The following MAP3K13 variants were observed in gnomAD, a reference collection of about 807,000 sequenced individuals.
MAP3K13 encodes the protein leucine zipper-bearing kinase.
In MAP3K13, 52 loss-of-function variants were observed where a neutral mutation model predicts 104.0. The observed-to-expected ratio is 0.50, with a 90% CI of 0.40 to 0.63. The LOEUF (loss-of-function observed/expected upper bound fraction) is 0.63. Ranked by LOEUF, MAP3K13 falls within the 20% of genes least tolerant of loss-of-function variation. MAP3K13 has a pLI of 0.00. For missense variants in MAP3K13, 914 were observed against 1,218.5 expected (o/e 0.75, Z 3.72); for synonymous variants, 394 against 442.2 (o/e 0.89, Z 1.37).
rs774843759 is a variant in MAP3K13, at chr3:185,466,942, A to T, written c.1622A>T (p.Lys541Ile). The change falls in exon 10 of 14, where the codon AAA becomes ATA. Residue 541 changes from lysine to isoleucine, a missense_variant. Physicochemically the swap from Lys to Ile is moderately radical, Grantham distance 102 (BLOSUM62 -3). Transcript: ENST00000265026. Reference sequence around the variant, plus strand: ...ATGAAAAGGAAAGGAGTGCCTCACAAATCTGGGATGCAGACCAAACGGTGA... The same window carrying T: ...ATGAAAAGGAAAGGAGTGCCTCACATATCTGGGATGCAGACCAAACGGTGA... ...KLMKRKGVPH[K>I]SGMQTKRPDL... 6.2e-7 allele frequency: 1 copy of T among 1,613,856 alleles called. No individual in the cohort carries two copies. The highest frequency in any genetic ancestry group is 1.3e-5 in the African/African-American group (1 of 74,920).
At chr3:185,359,605 T>C (rs768488624), upstream of MAP3K13, among the ~76,000 whole-genome samples, 10 of 152,208 alleles carry the variant, frequency 6.6e-5, no homozygotes, top group Non-Finnish European at 1.0e-4. Context: ...AATCTTTACA[T>C]GTGTTATAAT....
In MAP3K13 at chr3:185,473,802, A is replaced by G. The variant is rs1717953623; in HGVS notation, c.2430+41A>G. 2 of 1,565,376 alleles carry G rather than the reference A, an allele frequency of 1.3e-6. No homozygotes were observed. Among genetic ancestry groups the G allele is most frequent in the Admixed American group, 1.8e-5 (1 of 54,182 alleles). On this transcript the variant is annotated intron_variant, in intron 11 of 13. Coordinates refer to ENST00000265026, the MANE Select transcript of MAP3K13 (RefSeq NM_004721.5). This position sits in a 1 kb window ranked among gnomAD's most constrained non-coding sequence, Gnocchi z 4.9. ...GAGAGTGGCCTGCGTCACTGCCTTC[A>G]AAGAATGCCAGAGCCTGTCATGTTA...
At chr3:185,374,943 AG>A (rs1268196915) in intron 1 of MAP3K13, among the ~76,000 whole-genome samples, 2 of 152,188 alleles carry the variant, frequency 1.3e-5, no homozygotes, top group African/African-American at 4.8e-5. Context: ...TAAGCATAAA[AG>A]TAAAGAACAG....
At chr3:185,310,019 A>C (rs1721441307) in intron 2 of MAP3K13, among the ~76,000 whole-genome samples, 1 of 152,178 alleles carries the variant, frequency 6.6e-6, no homozygotes, top group South Asian at 2.1e-4. Flanking sequence ...CTGCTGAGGG[A>C]GGGACAAGGA....
chr3:185,307,546 C>CCCCACCCCCCCCCA (rs58408265), intron 2 of MAP3K13, among the ~76,000 whole-genome samples: 1 of 103,978 alleles, frequency 9.6e-6, no homozygotes, highest in African/African-American at 4.1e-5. Context: ...GCACCACCCC[C>CCCCACCCCCCCCCA]TCCCCCGCCA....
chr3:185,385,705 C>T (rs1711647266), intron 1 of MAP3K13, among the ~76,000 whole-genome samples: 1 of 152,066 alleles, frequency 6.6e-6, no homozygotes, highest in Admixed American at 6.6e-5. Context: ...AACAAAACAT[C>T]AAAAAGTTAA....
chr3:185,413,424 G>A (rs919189280), intron 1 of MAP3K13, among the ~76,000 whole-genome samples: 1 of 152,188 alleles, frequency 6.6e-6, no homozygotes, highest in Admixed American at 6.5e-5. Context: ...TAGTACAGCT[G>A]AGGAATGAAA....
At chr3:185,371,950 A>G (rs1724184885) in intron 1 of MAP3K13, among the ~76,000 whole-genome samples, 1 of 152,218 alleles carries the variant, frequency 6.6e-6, no homozygotes, top group Non-Finnish European at 1.5e-5. Context: ...GGCTATCTGC[A>G]GGCTTGGATA....
Position 185,329,993 on chromosome 3 carries a change from C to T in MAP3K13, c.-86+44350C>T, listed in dbSNP as rs535917790. 1.7e-3 allele frequency among the ~76,000 whole-genome samples: 241 copies of T among 142,160 alleles called. 1 individual carries two copies. The highest frequency in any genetic ancestry group is 2.6e-3 in the Admixed American group (35 of 13,396). 93.3% of individuals were successfully genotyped at this position (142,160 alleles called of 152,430 possible). A position where few individuals can be genotyped will look rare whatever the true frequency, so the allele number is the denominator to read the frequency against. ...CTCCCGTGTTCAAGTGATTCTCCTG[C>T]TTCAGCCTCCCAAGTAGCTTGGATT... On this transcript the variant is annotated intron_variant, in intron 2 of 14. Coordinates refer to the MAP3K13 transcript ENST00000424227.
intron 2 of MAP3K13, among the ~76,000 whole-genome samples, chr3:185,307,327 G>C (rs1229079616): frequency 6.7e-6 from 1 of 149,740 alleles, no homozygotes; most frequent in African/African-American, 2.5e-5. Context: ...GCATATATTG[G>C]TCAACTAGAT....
At chr3:185,435,396 A>C (rs1385651667) in intron 2 of MAP3K13, among the ~76,000 whole-genome samples, 1 of 152,190 alleles carries the variant, frequency 6.6e-6, no homozygotes, top group Non-Finnish European at 1.5e-5. Flanking sequence ...CGTGTGCTGC[A>C]TGTATGAGCC....
intron 2 of MAP3K13, 129 bp from the exon 3 acceptor site, chr3:185,437,318 C>T (rs1375951595): frequency 1.4e-6 from 1 of 692,308 alleles, no homozygotes; most frequent in East Asian, 2.6e-5. Flanking sequence ...TAGGAAGGTT[C>T]TATCTTTTGC....
At chr3:185,311,449 C>A (rs1339712410) in intron 2 of MAP3K13, among the ~76,000 whole-genome samples, 1 of 152,162 alleles carries the variant, frequency 6.6e-6, no homozygotes, top group African/African-American at 2.4e-5. Context: ...CTGGGTCCCT[C>A]CCACAATGCA....
intron 2 of MAP3K13, among the ~76,000 whole-genome samples, chr3:185,330,924 G>A (rs1279303178): frequency 6.6e-6 from 1 of 152,018 alleles, no homozygotes; most frequent in Non-Finnish European, 1.5e-5. Flanking sequence ...TTGCCTTAGG[G>A]CAGCTGCTGC....
chr3:185,298,518 T>C (rs1720993593), intron 2 of MAP3K13, among the ~76,000 whole-genome samples: 1 of 152,234 alleles, frequency 6.6e-6, no homozygotes. Context: ...TACATTATCC[T>C]AACTAATTTA....
chr3:185,420,858 TTCTC>T lies in MAP3K13; in HGVS notation c.-85-7635_-85-7632del, dbSNP rs532028465. On this transcript the variant is annotated intron_variant, in intron 1 of 13. Transcript: ENST00000265026. ...GCCACATTACCTCCTCCATTCCTCT[TTCTC>T]TCTACATTGCATCCTGGGATCTTGG... 7.2e-5 allele frequency among the ~76,000 whole-genome samples: 11 copies of T among 152,312 alleles called. No individual in the cohort carries two copies. In the South Asian group the frequency reaches 2.3e-3, roughly 32 times the overall value.
chr3:185,357,109 TTCTCTC>T (rs1389899870), intron 2 of MAP3K13, among the ~76,000 whole-genome samples: 1 of 150,780 alleles, frequency 6.6e-6, no homozygotes, highest in Admixed American at 6.6e-5. Flanking sequence ...TTTTTTTTTT[TTCTCTC>T]TCTCTCTCTC....
At chr3:185,460,647 T>C (rs915546486) in intron 7 of MAP3K13, among the ~76,000 whole-genome samples, 2 of 152,220 alleles carry the variant, frequency 1.3e-5, no homozygotes, top group Non-Finnish European at 2.9e-5. Flanking sequence ...ATTCTAAGTA[T>C]ATAAAATGGA....
rs1714565322 is a variant in MAP3K13, at chr3:185,428,664, A to G, written c.83A>G (p.Gln28Arg). The G allele has an allele frequency of 2.5e-6, 4 of 1,614,144 alleles. No homozygotes were observed. The highest frequency in any genetic ancestry group is 3.4e-6 in the Non-Finnish European group (4 of 1,180,020). The change falls in exon 2 of 14, where the codon CAA becomes CGA. Residue 28 changes from glutamine (Q) to arginine (R), a missense_variant. Transcript: ENST00000265026. ...GAAAGCAAAACCTTCAATGGACTAC[A>G]AGATGAGCTCACAGCTATGGGGAAC... ...FSESKTFNGLQDELTAMGNHP... is the reference protein window; with the variant it reads ...FSESKTFNGLRDELTAMGNHP...
Sources: allele counts gnomAD v4.1 joint callset (sites outside exome capture counted in the v4.1 genomes callset), GRCh38; gene constraint gnomAD v4.1.1; non-coding constraint Gnocchi (gnomAD v3.1); transcripts MANE v1.5; gene names NCBI Gene and HGNC (gene_info 2026-07-23, HGNC 2026-07-21).